NFXL1: variants seen among roughly 807,000 people sequenced by gnomAD.
The protein encoded by NFXL1 is NF-X1-type zinc finger protein NFXL1.
NFXL1 carries 66 observed loss-of-function variants against 123.3 expected under a neutral mutation model. That is an observed-to-expected ratio of 0.54 (90% CI 0.44 to 0.66). The LOEUF (loss-of-function observed/expected upper bound fraction) is 0.66, where lower values mean the gene tolerates loss of function less well. Among genes scored for constraint, NFXL1 ranks in the 30% least tolerant of loss-of-function variants. NFXL1 has a pLI of 0.00. For synonymous variants in NFXL1, 346 were observed against 360.8 expected (o/e 0.96, Z 0.46); for missense variants, 944 against 1,125.6 (o/e 0.84, Z 2.31).
At chr4:47,868,294 G>A (rs12501861) in intron 18 of NFXL1, among the ~76,000 whole-genome samples, 49,141 of 150,514 alleles carry the variant, frequency 0.33, 9,710 homozygotes, top group Non-Finnish European at 0.44. Context: ...ACTCCAGCCT[G>A]GGTGACAGAG....
intron 15 of NFXL1, among the ~76,000 whole-genome samples, chr4:47,881,024 G>A (rs1458385910): frequency 3.3e-5 from 5 of 151,796 alleles, no homozygotes; most frequent in African/African-American, 4.8e-5. Context: ...AACAAGTTCT[G>A]GGGTTTTATA....
chr4:47,869,154 G>C (rs903392418), intron 18 of NFXL1, among the ~76,000 whole-genome samples: 2 of 152,156 alleles, frequency 1.3e-5, no homozygotes, highest in Non-Finnish European at 2.9e-5. Flanking sequence ...GAGCCCAGGA[G>C]TTCAAGGCTG....
At chr4:47,886,968 T>C (rs1736472754) in intron 12 of NFXL1, among the ~76,000 whole-genome samples, 1 of 152,208 alleles carries the variant, frequency 6.6e-6, no homozygotes, top group Non-Finnish European at 1.5e-5. Flanking sequence ...AATTGTGCTT[T>C]GTGAAAGACT....
Position 47,848,121 on chromosome 4 carries a change from T to C in NFXL1, c.*42A>G, listed in dbSNP as rs138338542. 103 of 1,304,754 alleles carry C rather than the reference T, an allele frequency of 7.9e-5. No individual in the cohort carries two copies. The African/African-American group carries it at 1.4e-3, about 18-fold the overall frequency. The allele number at this position is 1,304,754 out of a possible 1,614,324, so 80.8% of individuals were successfully genotyped here. On this transcript the variant is annotated 3_prime_UTR_variant, in exon 23 of 23. Transcript: ENST00000507489. The stretch of plus-strand genomic sequence containing the variant: ...CTAATATTTCAAATTTAACAACTTA[T>C]CTAAATCCAATCTGAGTTACATTAA...
chr4:47,890,196 C>T (rs947185227), intron 12 of NFXL1, among the ~76,000 whole-genome samples: 1 of 151,994 alleles, frequency 6.6e-6, no homozygotes, highest in South Asian at 2.1e-4. Flanking sequence ...CAGCTTCGGA[C>T]ATATCTAATC....
intron 22 of NFXL1, among the ~76,000 whole-genome samples, chr4:47,849,052 G>T (rs1733972391): frequency 6.6e-6 from 1 of 152,114 alleles, no homozygotes; most frequent in Admixed American, 6.5e-5. Flanking sequence ...TGCCTAGTGA[G>T]AATGAAGATA....
intron 15 of NFXL1, among the ~76,000 whole-genome samples, chr4:47,884,124 G>A (rs977206688): frequency 2.0e-4 from 30 of 152,092 alleles, no homozygotes; most frequent in African/African-American, 7.2e-4. Context: ...AACTCCAACT[G>A]GGGGTAAAGA....
At chr4:47,870,750 A>G (rs1236928068) in intron 18 of NFXL1, among the ~76,000 whole-genome samples, 2 of 152,228 alleles carry the variant, frequency 1.3e-5, no homozygotes, top group Non-Finnish European at 2.9e-5. Context: ...CTGCCCATTA[A>G]AAAGGCCCTT....
chr4:47,908,681 C>A (rs936993575), intron 3 of NFXL1, among the ~76,000 whole-genome samples: 1 of 151,906 alleles, frequency 6.6e-6, no homozygotes, highest in Non-Finnish European at 1.5e-5. Flanking sequence ...TTTGGCCTGG[C>A]GCAATGGCTC....
intron 10 of NFXL1, 72 bp downstream of exon 10, chr4:47,896,451 C>T (rs1737090323): frequency 8.1e-7 from 1 of 1,239,458 alleles, no homozygotes. Context: ...TAGAAAACAA[C>T]CACAGGACAA....
intron 14 of NFXL1, among the ~76,000 whole-genome samples, chr4:47,885,056 G>A (rs1337692513): frequency 6.6e-6 from 1 of 151,468 alleles, no homozygotes; most frequent in Non-Finnish European, 1.5e-5. Flanking sequence ...AACCCGGGAG[G>A]TGGAGGTTGC....
At chr4:47,855,858 T>C (rs775018526) in intron 19 of NFXL1, among the ~76,000 whole-genome samples, 37 of 152,170 alleles carry the variant, frequency 2.4e-4, no homozygotes, top group East Asian at 1.2e-3. Context: ...CTTCCTATCC[T>C]AGTCAAGCAT....
Position 47,890,690 on chromosome 4 carries a change from T to A in NFXL1, c.1466A>T (p.Asn489Ile), listed in dbSNP as rs1186933691. ...HQCRRKCCPG[N>I]CPPCDQNCGR... ...ACAGTTTTGATCACAAGGTGGACAG[T>A]TTCCAGGGCAACACTGAAGAGAAAG... The change falls in exon 12 of 23, where the codon AAC becomes ATC. Residue 489 changes from asparagine to isoleucine, a missense_variant. By Grantham distance (149) the Asn-to-Ile change is moderately radical (BLOSUM62 -3). Coordinates refer to ENST00000507489, the MANE Select transcript of NFXL1 (RefSeq NM_001278624.2). 6.2e-7 allele frequency: 1 copy of A among 1,606,410 alleles called. No individual in the cohort carries two copies. The highest frequency in any genetic ancestry group is 8.5e-7 in the Non-Finnish European group (1 of 1,173,500).
intron 14 of NFXL1, 36 bp downstream of exon 14, chr4:47,885,462 C>A: frequency 1.3e-6 from 2 of 1,522,660 alleles, no homozygotes; most frequent in South Asian, 1.2e-5. Context: ...CAACCCACAG[C>A]AATGCACTAT....
intron 8 of NFXL1, among the ~76,000 whole-genome samples, chr4:47,898,538 C>T (rs1737223483): frequency 1.3e-5 from 2 of 152,190 alleles, no homozygotes; most frequent in South Asian, 4.1e-4. Context: ...GAATCCAAAA[C>T]TCAACAAATA....
chr4:47,880,004 T>C (rs573014856), intron 15 of NFXL1, among the ~76,000 whole-genome samples: 13 of 152,138 alleles, frequency 8.5e-5, no homozygotes, highest in Non-Finnish European at 1.6e-4. Flanking sequence ...ATTATGACTT[T>C]TAGATACAAC....
chr4:47,893,017 C>T (rs1240668684), intron 11 of NFXL1, among the ~76,000 whole-genome samples: 2 of 151,892 alleles, frequency 1.3e-5, no homozygotes, highest in African/African-American at 4.8e-5. Context: ...AGGAGAAACA[C>T]GGAAGATATA....
chr4:47,859,375 T>C (rs966658396), intron 19 of NFXL1, among the ~76,000 whole-genome samples: 1 of 152,234 alleles, frequency 6.6e-6, no homozygotes, highest in South Asian at 2.1e-4. Context: ...ATTAACTAAG[T>C]CCGTTACATG....
At chr4:47,870,507 A>G (rs1345978659) in intron 18 of NFXL1, among the ~76,000 whole-genome samples, 1 of 152,218 alleles carries the variant, frequency 6.6e-6, no homozygotes, top group African/African-American at 2.4e-5. Flanking sequence ...GGCCAATACT[A>G]TTTAACACTG....
Sources: allele counts gnomAD v4.1 joint callset (sites outside exome capture counted in the v4.1 genomes callset), GRCh38; gene constraint gnomAD v4.1.1; transcripts MANE v1.5; gene names NCBI Gene and HGNC (gene_info 2026-07-23, HGNC 2026-07-21).